The following SCHIP1 variants were observed in gnomAD, a reference collection of about 807,000 sequenced individuals.
SCHIP1 encodes schwannomin-interacting protein 1.
In SCHIP1, 8 loss-of-function variants were observed where a neutral mutation model predicts 29.7. The ratio of observed to expected loss-of-function variants is 0.27; its 90% CI spans 0.16 to 0.49. The LOEUF (loss-of-function observed/expected upper bound fraction) is 0.49. Among genes scored for constraint, SCHIP1 ranks in the 20% least tolerant of loss-of-function variants. The pLI is 0.99. For missense variants in SCHIP1, 193 were observed against 294.6 expected (o/e 0.66, Z 2.52); for synonymous variants, 76 against 94.9 (o/e 0.80, Z 1.16).
chr3:159,824,518 G>A, the SCHIP1 span, among the ~76,000 whole-genome samples: 4 of 152,238 alleles, frequency 2.6e-5, no homozygotes, highest in African/African-American at 9.6e-5. Context: ...AGATTATGGT[G>A]ACTAATGCTA....
chr3:159,385,141 A>T, the SCHIP1 span, among the ~76,000 whole-genome samples: 5 of 152,218 alleles, frequency 3.3e-5, no homozygotes, highest in Non-Finnish European at 5.9e-5. Flanking sequence ...TGATACCACA[A>T]CTTAGATCTA....
chr3:159,448,437 C>T, the SCHIP1 span, among the ~76,000 whole-genome samples: 1 of 152,066 alleles, frequency 6.6e-6, no homozygotes, highest in Non-Finnish European at 1.5e-5. Context: ...CACCACTGCA[C>T]TCCAGAATGG....
intron 2 of SCHIP1, among the ~76,000 whole-genome samples, chr3:159,867,526 C>T (rs939723584): frequency 3.9e-5 from 6 of 152,190 alleles, no homozygotes; most frequent in Non-Finnish European, 5.9e-5. Context: ...ATCAGTACAT[C>T]AAGACAAGAG....
chr3:159,293,955 C>A, the SCHIP1 span, among the ~76,000 whole-genome samples: 1 of 152,054 alleles, frequency 6.6e-6, no homozygotes, highest in Non-Finnish European at 1.5e-5. Flanking sequence ...AAATCCAGGC[C>A]AGATACTACA....
At chr3:159,462,389 C>G in the SCHIP1 span, among the ~76,000 whole-genome samples, 1 of 152,122 alleles carries the variant, frequency 6.6e-6, no homozygotes, top group East Asian at 1.9e-4. Flanking sequence ...TCCTCACTGA[C>G]TGTGACCCTT....
At chr3:159,684,830 GA>G in the SCHIP1 span, among the ~76,000 whole-genome samples, 173 of 141,810 alleles carry the variant, frequency 1.2e-3, no homozygotes, top group African/African-American at 4.5e-3. Context: ...AAGAAAGAAA[GA>G]AAAAAGAAAA....
At chr3:159,308,704 T>A in the SCHIP1 span, among the ~76,000 whole-genome samples, 1 of 152,252 alleles carries the variant, frequency 6.6e-6, no homozygotes, top group South Asian at 2.1e-4. Flanking sequence ...CGAAAAGACA[T>A]ATGCACTTGT....
At chr3:159,675,825 AGTGT>A in the SCHIP1 span, among the ~76,000 whole-genome samples, 2 of 152,162 alleles carry the variant, frequency 1.3e-5, no homozygotes, top group East Asian at 3.8e-4. Flanking sequence ...TGGGCTCAGA[AGTGT>A]GTGTTAATAT....
the SCHIP1 span, among the ~76,000 whole-genome samples, chr3:159,647,546 A>G: frequency 6.6e-6 from 1 of 152,196 alleles, no homozygotes; most frequent in Non-Finnish European, 1.5e-5. Flanking sequence ...GCAAATTCCC[A>G]TGACAACTCT....
the SCHIP1 span, among the ~76,000 whole-genome samples, chr3:159,736,217 G>A: frequency 0.12 from 18,988 of 152,164 alleles, 3,904 homozygotes; most frequent in African/African-American, 0.43. Flanking sequence ...AAAAGAAGTC[G>A]ATGCTGAGGC....
At chr3:159,641,093 TG>T in the SCHIP1 span, among the ~76,000 whole-genome samples, 2 of 152,144 alleles carry the variant, frequency 1.3e-5, no homozygotes, top group East Asian at 3.9e-4. Flanking sequence ...GAGAACTGAT[TG>T]AAAGAACAGA....
the SCHIP1 span, among the ~76,000 whole-genome samples, chr3:159,563,832 A>G: frequency 6.6e-6 from 1 of 152,044 alleles, no homozygotes; most frequent in Non-Finnish European, 1.5e-5. Flanking sequence ...TCAAAAAAGA[A>G]AAAAAAAGTA....
At chr3:159,698,390 C>T in the SCHIP1 span, among the ~76,000 whole-genome samples, 1 of 152,102 alleles carries the variant, frequency 6.6e-6, no homozygotes, top group African/African-American at 2.4e-5. Flanking sequence ...AGTACAGGTA[C>T]CACTCAGAAA....
At chr3:159,348,110 C>T in the SCHIP1 span, among the ~76,000 whole-genome samples, 2 of 152,186 alleles carry the variant, frequency 1.3e-5, no homozygotes, top group African/African-American at 4.8e-5. Context: ...GTTGTAAAAA[C>T]TTAACAAATT....
the SCHIP1 span, among the ~76,000 whole-genome samples, chr3:159,537,598 A>T: frequency 6.6e-6 from 1 of 152,072 alleles, no homozygotes; most frequent in African/African-American, 2.4e-5. Flanking sequence ...TGCCTGAGAG[A>T]TCGGTCCTCT....
chr3:159,380,574 C>T, the SCHIP1 span, among the ~76,000 whole-genome samples: 1 of 152,138 alleles, frequency 6.6e-6, no homozygotes, highest in East Asian at 1.9e-4. Flanking sequence ...TAAAATATAG[C>T]TTTATACAAT....
the SCHIP1 span, among the ~76,000 whole-genome samples, chr3:159,307,015 T>A: frequency 6.6e-6 from 1 of 152,152 alleles, no homozygotes; most frequent in African/African-American, 2.4e-5. Flanking sequence ...AAAAACAGAT[T>A]ATGCAAAGAG....
the SCHIP1 span, among the ~76,000 whole-genome samples, chr3:159,405,524 C>G: frequency 6.6e-6 from 1 of 152,186 alleles, no homozygotes; most frequent in East Asian, 1.9e-4. Context: ...ACATCAGTCT[C>G]TTAATGGCAG....
chr3:159,510,367 G>A, the SCHIP1 span, among the ~76,000 whole-genome samples: 22 of 152,138 alleles, frequency 1.4e-4, no homozygotes, highest in East Asian at 5.8e-4. Flanking sequence ...TTACCCATTC[G>A]TCTAATCTTT....
Sources: allele counts gnomAD v4.1 joint callset (sites outside exome capture counted in the v4.1 genomes callset), GRCh38; gene constraint gnomAD v4.1.1; transcripts MANE v1.5; gene names NCBI Gene and HGNC (gene_info 2026-07-23, HGNC 2026-07-21).